GREM2: variants seen among roughly 807,000 people sequenced by gnomAD.
The protein encoded by GREM2 is gremlin-2.
GREM2 carries 11 observed loss-of-function variants against 14.2 expected under a neutral mutation model. That is an observed-to-expected ratio of 0.78 (90% CI 0.49 to 1.28). GREM2 has a LOEUF of 1.28. Ranked by LOEUF, GREM2 falls within the 50% of genes most tolerant of loss-of-function variation. GREM2 has a pLI of 0.00. For synonymous variants in GREM2, 98 were observed against 97.6 expected (o/e 1.00, Z -0.02); for missense variants, 210 against 218.5 (o/e 0.96, Z 0.24).
chr1:240,571,876 G>A (rs145255436), intron 1 of GREM2, among the ~76,000 whole-genome samples: 305 of 152,164 alleles, frequency 2.0e-3, no homozygotes, highest in African/African-American at 7.1e-3. Context: ...TTTTGTTTGA[G>A]CACCAAGGAA....
intron 1 of GREM2, among the ~76,000 whole-genome samples, chr1:240,606,307 A>G (rs929449557): frequency 6.6e-5 from 10 of 152,258 alleles, no homozygotes; most frequent in Admixed American, 3.3e-4. Flanking sequence ...AAATAATTAT[A>G]CAAGGAAGAC....
intron 1 of GREM2, among the ~76,000 whole-genome samples, chr1:240,568,565 C>G (rs1426578748): frequency 1.3e-5 from 2 of 152,078 alleles, no homozygotes; most frequent in Non-Finnish European, 2.9e-5. Context: ...AAAGTATATG[C>G]CATCTATAAT....
At chr1:240,547,048 C>G (rs1242294958) in intron 1 of GREM2, among the ~76,000 whole-genome samples, 1 of 151,904 alleles carries the variant, frequency 6.6e-6, no homozygotes, top group African/African-American at 2.4e-5. Context: ...TGGTGCCTGG[C>G]CTGGCCTTAA....
chr1:240,601,800 T>C (rs200907432), intron 1 of GREM2, among the ~76,000 whole-genome samples: 2 of 150,240 alleles, frequency 1.3e-5, no homozygotes, highest in African/African-American at 4.9e-5. Context: ...CCAGCTACTC[T>C]GGAGGCTGAG....
rs1301069797 is a variant in GREM2 at position 240,493,319 on chromosome 1, G to C, written c.157C>G (p.Leu53Val). Residue 53 changes from leucine (L) to valine (V), a missense_variant, in exon 2 of 2, where the codon CTG (leucine) becomes GTG (valine). Coordinates refer to ENST00000318160, the MANE Select transcript of GREM2 (RefSeq NM_022469.4). ...ERWQHQIKEVLASSQEALVVT... is the reference protein window; with the variant it reads ...ERWQHQIKEVVASSQEALVVT... The stretch of plus-strand genomic sequence containing the variant: ...ACCAGGGCCTCCTGGCTGGAGGCCA[G>C]CACCTCCTTGATCTGGTGCTGCCAT... 2.1e-5 allele frequency: 34 copies of C among 1,614,084 alleles called. No individual in the cohort carries two copies. The highest frequency in any genetic ancestry group is 2.8e-5 in the Non-Finnish European group (33 of 1,180,020).
intron 1 of GREM2, among the ~76,000 whole-genome samples, chr1:240,518,200 C>T (rs1265851213): frequency 6.6e-6 from 1 of 152,152 alleles, no homozygotes; most frequent in Non-Finnish European, 1.5e-5. Context: ...TGCTAAACTC[C>T]TTTTACATCA....
intron 1 of GREM2, among the ~76,000 whole-genome samples, chr1:240,585,379 A>G (rs1317300188): frequency 6.6e-6 from 1 of 152,004 alleles, no homozygotes; most frequent in East Asian, 1.9e-4. Flanking sequence ...TAGATTAAAT[A>G]CCCTAATTTC....
At chr1:240,530,179 G>C (rs1466191307) in intron 1 of GREM2, among the ~76,000 whole-genome samples, 1 of 152,096 alleles carries the variant, frequency 6.6e-6, no homozygotes, top group East Asian at 1.9e-4. Flanking sequence ...AAGTCAACCA[G>C]GGTTAAAAAG....
At chr1:240,546,078 T>C (rs1428217964) in intron 1 of GREM2, among the ~76,000 whole-genome samples, 2 of 152,168 alleles carry the variant, frequency 1.3e-5, no homozygotes, top group Non-Finnish European at 2.9e-5. Context: ...CGCATGCCTG[T>C]AATCCCAGCA....
intron 1 of GREM2, among the ~76,000 whole-genome samples, chr1:240,585,784 G>A (rs1679588293): frequency 6.6e-6 from 1 of 150,532 alleles, no homozygotes; most frequent in Non-Finnish European, 1.5e-5. Flanking sequence ...CCAGGTGGAG[G>A]GCCCCTCAAA....
chr1:240,507,806 A>G (rs1441379314), intron 1 of GREM2, among the ~76,000 whole-genome samples: 1 of 152,048 alleles, frequency 6.6e-6, no homozygotes, highest in Non-Finnish European at 1.5e-5. Context: ...GTGGGAGGGA[A>G]ACAAGATTGC....
Position 240,502,007 on chromosome 1 carries a change from C to T in GREM2, c.-1-8531G>A, listed in dbSNP as rs184465343. Among the ~76,000 whole-genome samples the T allele has an allele frequency of 3.6e-3, 545 of 152,148 alleles. 3 individuals are homozygous for T. The highest frequency in any genetic ancestry group is 0.013 in the African/African-American group (523 of 41,506). Reference sequence around the variant, plus strand: ...TTTTTCAGATAAAGATTTTAGACTGCTGCCCGAAACACCAATCATGCTCTC... The same window carrying T: ...TTTTTCAGATAAAGATTTTAGACTGTTGCCCGAAACACCAATCATGCTCTC... On this transcript the variant is annotated intron_variant, in intron 1 of 1. Transcript: ENST00000318160.
chr1:240,512,117 G>A (rs560747210), intron 1 of GREM2, among the ~76,000 whole-genome samples: 2 of 152,284 alleles, frequency 1.3e-5, no homozygotes, highest in East Asian at 3.9e-4. Context: ...GATTTATGTT[G>A]AAGATCCAGT....
intron 1 of GREM2, among the ~76,000 whole-genome samples, chr1:240,600,736 G>A (rs998432635): frequency 3.3e-5 from 5 of 151,946 alleles, no homozygotes; most frequent in Admixed American, 2.6e-4. Context: ...CACCTGCCTC[G>A]GCCTCCCAAA....
At chr1:240,599,775 A>G (rs1341431967) in intron 1 of GREM2, among the ~76,000 whole-genome samples, 3 of 152,212 alleles carry the variant, frequency 2.0e-5, no homozygotes, top group Non-Finnish European at 4.4e-5. Flanking sequence ...TGCTTTATCC[A>G]TCACACCAGC....
At chr1:240,529,347 AG>A (rs146619995) in intron 1 of GREM2, among the ~76,000 whole-genome samples, 7,248 of 151,468 alleles carry the variant, frequency 0.048, 599 homozygotes, top group African/African-American at 0.17. Flanking sequence ...AAATGACAAC[AG>A]GGAATGGAAA....
intron 1 of GREM2, among the ~76,000 whole-genome samples, chr1:240,585,785 GC>G (rs1389039398): frequency 6.7e-6 from 1 of 149,636 alleles, no homozygotes; most frequent in Non-Finnish European, 1.5e-5. Flanking sequence ...CAGGTGGAGG[GC>G]CCCTCAAAAG....
At chr1:240,575,034 G>A (rs1416141013) in intron 1 of GREM2, among the ~76,000 whole-genome samples, 1 of 152,048 alleles carries the variant, frequency 6.6e-6, no homozygotes, top group Non-Finnish European at 1.5e-5. Flanking sequence ...TTGAACGTGG[G>A]AGGCGGAGGC....
intron 1 of GREM2, among the ~76,000 whole-genome samples, chr1:240,557,814 A>G (rs1678978799): frequency 6.6e-6 from 1 of 152,110 alleles, no homozygotes. Context: ...AACCACCCAG[A>G]CAGGGTGACT....
Sources: allele counts gnomAD v4.1 joint callset (sites outside exome capture counted in the v4.1 genomes callset), GRCh38; gene constraint gnomAD v4.1.1; transcripts MANE v1.5; gene names NCBI Gene and HGNC (gene_info 2026-07-23, HGNC 2026-07-21).